HCK: variants seen among roughly 807,000 people sequenced by gnomAD.
HCK encodes tyrosine-protein kinase HCK.
HCK carries 40 observed loss-of-function variants against 70.4 expected under a neutral mutation model. That is an observed-to-expected ratio of 0.57 (90% CI 0.44 to 0.74). HCK has a LOEUF of 0.74. HCK is among the 30% of genes least tolerant of loss of function. HCK has a pLI of 0.00. For missense variants in HCK, 568 were observed against 697.2 expected (o/e 0.81, Z 2.09); for synonymous variants, 245 against 263.2 (o/e 0.93, Z 0.67).
In HCK at chr20:32,101,272, C is replaced by A. The variant is rs1227850518; in HGVS notation, c.1379-45C>A. ...ACAGGGCCTGCCACCCCTGGGCTCT[C>A]ATTTCCCAACTGCTTCCGTTTCTAA... On this transcript the variant is annotated intron_variant, in intron 12 of 12. Coordinates refer to ENST00000375852, the MANE Select transcript of HCK (RefSeq NM_002110.5). 2.5e-6 allele frequency: 4 copies of A among 1,585,682 alleles called. No homozygotes were observed. The East Asian group carries it at 6.8e-5, about 27-fold the overall frequency.
intron 10 of HCK, among the ~76,000 whole-genome samples, chr20:32,088,973 G>A (rs17093823): frequency 0.025 from 3,754 of 152,274 alleles, 97 homozygotes; most frequent in Admixed American, 0.079. Context: ...TCTTCTGCTC[G>A]TCATGGTAAA....
intron 5 of HCK, among the ~76,000 whole-genome samples, chr20:32,075,848 A>G (rs1568983326): frequency 2.0e-5 from 3 of 152,192 alleles, no homozygotes; most frequent in Non-Finnish European, 4.4e-5. Context: ...TGATGAGTAA[A>G]AAGATGACTA....
At chr20:32,098,974 TC>T in intron 11 of HCK, 29 bp from the exon 12 acceptor site, 2 of 1,609,250 alleles carry the variant, frequency 1.2e-6, no homozygotes, top group Non-Finnish European at 1.7e-6. Flanking sequence ...TCCCCAGCCT[TC>T]CCCGACTCTG....
intron 11 of HCK, 113 bp from the exon 12 acceptor site, chr20:32,098,891 G>T (rs1024867399): frequency 1.7e-6 from 2 of 1,182,992 alleles, no homozygotes; most frequent in African/African-American, 1.5e-5. Context: ...GAAATTGCAG[G>T]TCTGCAGGGG....
intron 11 of HCK, among the ~76,000 whole-genome samples, 196 bp downstream of exon 11, chr20:32,094,212 G>C (rs1481438648): frequency 6.6e-6 from 1 of 152,208 alleles, no homozygotes; most frequent in East Asian, 1.9e-4. Flanking sequence ...GGAGATTTTA[G>C]ATCAGATTGA....
chr20:32,071,579 G>A, intron 1 of HCK, 83 bp from the exon 2 acceptor site: 1 of 1,555,854 alleles, frequency 6.4e-7, no homozygotes, highest in African/African-American at 1.4e-5. Flanking sequence ...CCGGGGGCAG[G>A]GGACCTGGAA....
In HCK at chr20:32,083,999, G is replaced by A. The variant is rs202001086; in HGVS notation, c.638G>A (p.Arg213Gln). 3.7e-6 allele frequency: 6 copies of A among 1,614,070 alleles called. No individual in the cohort carries two copies. Among genetic ancestry groups the A allele is most frequent in the Admixed American group, 3.3e-5 (2 of 60,024 alleles). The change falls in exon 7 of 13, where the codon CGA becomes CAA. Residue 213 changes from arginine (R) to glutamine (Q), a missense_variant. Transcript: ENST00000375852. ...AACGGGGGCTTCTACATATCCCCCC[G>A]AAGCACCTTCAGCACTCTGCAGGAG...
At chr20:32,094,790 AAAGAAAGAAAGAAAGAAAGAAAGAAAG>A (rs2045925068) in intron 11 of HCK, among the ~76,000 whole-genome samples, 5 of 13,690 alleles carry the variant, frequency 3.7e-4, no homozygotes, top group Non-Finnish European at 9.6e-4. Context: ...AGAGAAAGAG[AAAGAAAGAAAGAAAGAAAGAAAGAAAG>A]AAAGAAAGAA....
intron 1 of HCK, among the ~76,000 whole-genome samples, chr20:32,058,605 A>AAAACACACAC (rs148271123): frequency 2.1e-5 from 3 of 142,334 alleles, no homozygotes; most frequent in Admixed American, 7.1e-5. Context: ...TTTATGTCAA[A>AAAACACACAC]ACACACACAC....
chr20:32,060,171 T>A (rs1568958218), intron 1 of HCK, among the ~76,000 whole-genome samples: 4 of 152,154 alleles, frequency 2.6e-5, no homozygotes, highest in South Asian at 4.1e-4. Context: ...CAAATGTGCA[T>A]CACCCTTCTC....
chr20:32,053,055 T>G (rs1006476945), intron 1 of HCK, among the ~76,000 whole-genome samples: 2 of 152,164 alleles, frequency 1.3e-5, no homozygotes, highest in Non-Finnish European at 2.9e-5. Flanking sequence ...CCACACTGCA[T>G]GCATGCCCTG....
chr20:32,094,780 AG>A lies in HCK; in HGVS notation c.1246+765del, dbSNP rs1468457559. Among the ~76,000 whole-genome samples, 173 of 99,704 alleles carry A rather than the reference AG, an allele frequency of 1.7e-3. 2 individuals are homozygous for A. The highest frequency in any genetic ancestry group is 2.2e-3 in the East Asian group (9 of 4,166). The allele number at this position is 99,704 out of a possible 152,430, so 65.4% of individuals were successfully genotyped here. A position where few individuals can be genotyped will look rare whatever the true frequency, so the allele number is the denominator to read the frequency against. On this transcript the variant is annotated intron_variant, in intron 11 of 12. Transcript: ENST00000375852. ...AAGAAAGAAGGAAAGAAAGAAAGAGAGAGAAAGAGAAAGAAAGAAAGAAAGA... is the reference window on the plus strand; with the variant it reads ...AAGAAAGAAGGAAAGAAAGAAAGAGAAGAAAGAGAAAGAAAGAAAGAAAGA...
chr20:32,058,275 T>A (rs2045304059), intron 1 of HCK, among the ~76,000 whole-genome samples: 1 of 151,976 alleles, frequency 6.6e-6, no homozygotes, highest in Non-Finnish European at 1.5e-5. Flanking sequence ...CTCACACCTG[T>A]AATCCCAGCA....
At chr20:32,095,414 C>T (rs1339768795) in intron 11 of HCK, among the ~76,000 whole-genome samples, 2 of 152,090 alleles carry the variant, frequency 1.3e-5, no homozygotes, top group Non-Finnish European at 2.9e-5. Flanking sequence ...CACCACCATA[C>T]CCAGCTAATT....
intron 1 of HCK, among the ~76,000 whole-genome samples, chr20:32,054,535 G>T (rs1283673591): frequency 7.6e-6 from 1 of 131,126 alleles, no homozygotes; most frequent in African/African-American, 2.9e-5. Context: ...GCCCGGACGC[G>T]GGGGCTCACG....
At chr20:32,098,136 C>A (rs546067777) in intron 11 of HCK, among the ~76,000 whole-genome samples, 1 of 150,888 alleles carries the variant, frequency 6.6e-6, no homozygotes, top group Non-Finnish European at 1.5e-5. Context: ...CAACCTCCAT[C>A]CCCTGGGTTC....
At chr20:32,052,512 G>T in intron 1 of HCK, 26 bp downstream of exon 1, 1 of 1,261,176 alleles carries the variant, frequency 7.9e-7, no homozygotes, top group African/African-American at 1.5e-5. Flanking sequence ...AGGGGACCGG[G>T]AATACCCGGC....
chr20:32,061,015 G>C (rs2045362013), intron 1 of HCK, among the ~76,000 whole-genome samples: 1 of 151,736 alleles, frequency 6.6e-6, no homozygotes, highest in Non-Finnish European at 1.5e-5. Flanking sequence ...ACAGAGTCTT[G>C]CTCTGTTGCC....
intron 10 of HCK, among the ~76,000 whole-genome samples, chr20:32,093,058 C>A (rs528277066): frequency 6.6e-6 from 1 of 152,242 alleles, no homozygotes; most frequent in South Asian, 2.1e-4. Flanking sequence ...AATTCTCGTG[C>A]CTCAACCTCC....
Sources: gnomAD v4.1 joint callset for allele counts (sites outside exome capture counted in the v4.1 genomes callset) on GRCh38, gnomAD v4.1.1 for gene constraint, MANE v1.5 for transcripts, NCBI Gene and HGNC (gene_info 2026-07-23, HGNC 2026-07-21) for gene names.